Variants in PCDH15 observed in about 807,000 individuals in gnomAD.
PCDH15 encodes protocadherin related 15.
In PCDH15, 129 loss-of-function variants were observed where a neutral mutation model predicts 178.5. The observed-to-expected ratio is 0.72, with a 90% CI of 0.63 to 0.84. The LOEUF is 0.84. PCDH15 is among the 40% of genes least tolerant of loss of function. The pLI is 0.00. For synonymous variants in PCDH15, 800 were observed against 732.0 expected, an observed-to-expected ratio of 1.09 and a Z score of -1.50; for missense variants, 2,230 against 2,099.9, an observed-to-expected ratio of 1.06 and a Z score of -1.21.
At chr10:54,035,313 C>G (rs1442479279) in intron 18 of PCDH15, among the ~76,000 whole-genome samples, 1 of 151,846 alleles carries the variant, frequency 6.6e-6, no homozygotes, top group Non-Finnish European at 1.5e-5. Context: ...GACAAAGATG[C>G]CTTAAGCAAA....
intron 1 of PCDH15, among the ~76,000 whole-genome samples, chr10:54,760,296 G>A (rs1052890917): frequency 2.6e-5 from 4 of 151,852 alleles, no homozygotes; most frequent in Admixed American, 2.0e-4. Flanking sequence ...CTAGTTCTTT[G>A]AAGTTCTATT....
At chr10:53,981,890 A>G (rs1050684228) in intron 21 of PCDH15, among the ~76,000 whole-genome samples, 1 of 150,156 alleles carries the variant, frequency 6.7e-6, no homozygotes, top group Non-Finnish European at 1.5e-5. Context: ...GCAACCTACA[A>G]AATGGGAGAA....
chr10:54,357,599 T>C (rs896919899), intron 5 of PCDH15, among the ~76,000 whole-genome samples: 1 of 152,124 alleles, frequency 6.6e-6, no homozygotes, highest in African/African-American at 2.4e-5. Flanking sequence ...CAAGGTAATT[T>C]ATAGATTCAA....
At chr10:54,729,152 C>T (rs566878242) in intron 1 of PCDH15, among the ~76,000 whole-genome samples, 22 of 151,750 alleles carry the variant, frequency 1.4e-4, no homozygotes, top group African/African-American at 5.3e-4. Flanking sequence ...AAGCATCACA[C>T]TACCTGACTT....
rs760976180 is a variant in PCDH15, at chr10:53,823,563, T to G, written c.4368-3333A>C. ...AAAAATCTTAGAGTTGTGAGAAGAA[T>G]GAGAAATGTAAATGAAAAAAAAAGT... On this transcript the variant is annotated intron_variant, in intron 32 of 37. Coordinates refer to ENST00000644397, the MANE Select transcript of PCDH15 (RefSeq NM_001384140.1). 83 of 684,192 alleles carry G rather than the reference T, an allele frequency of 1.2e-4. 1 individual carries two copies. Among genetic ancestry groups the G allele is most frequent in the Admixed American group, 4.3e-4 (18 of 41,864 alleles). 42.4% of individuals were successfully genotyped at this position (684,192 alleles called of 1,614,324 possible).
At chr10:53,976,510 A>T (rs749405633) in intron 21 of PCDH15, among the ~76,000 whole-genome samples, 1 of 152,102 alleles carries the variant, frequency 6.6e-6, no homozygotes, top group African/African-American at 2.4e-5. Context: ...CTCTTGCATC[A>T]TTATCCTCTT....
chr10:54,126,962 T>G (rs1212294325), intron 15 of PCDH15, among the ~76,000 whole-genome samples: 2 of 152,196 alleles, frequency 1.3e-5, no homozygotes, highest in Non-Finnish European at 2.9e-5. Flanking sequence ...AGGAACTGTA[T>G]TTGGTCAATC....
At chr10:55,091,537 T>C (rs1842317820) in intron 2 of PCDH15, among the ~76,000 whole-genome samples, 1 of 151,880 alleles carries the variant, frequency 6.6e-6, no homozygotes, top group Admixed American at 6.6e-5. Context: ...AAGAGTTAAA[T>C]TACCAAGGGT....
intron 1 of PCDH15, among the ~76,000 whole-genome samples, chr10:54,696,594 C>A (rs1412826085): frequency 6.6e-6 from 1 of 151,548 alleles, no homozygotes. Flanking sequence ...GGAAATCTTT[C>A]ATGAAAGAAG....
Position 54,346,360 on chromosome 10 carries a change from C to T in PCDH15, c.594+5G>A, listed in dbSNP as rs770009225. On this transcript the variant is annotated splice_donor_5th_base_variant and intron_variant, in intron 6 of 37. Coordinates refer to ENST00000644397, the MANE Select transcript of PCDH15 (RefSeq NM_001384140.1). The stretch of plus-strand genomic sequence containing the variant: ...AAATTACATTGCAAATAGGTATTTA[C>T]ATACCGGATCATCTGGATTATACTG... 1.2e-6 allele frequency: 2 copies of T among 1,611,442 alleles called. No homozygotes were observed. The highest frequency in any genetic ancestry group is 2.2e-5 in the South Asian group (2 of 91,022).
At chr10:55,049,812 A>C (rs145830472) in intron 2 of PCDH15, among the ~76,000 whole-genome samples, 258 of 152,206 alleles carry the variant, frequency 1.7e-3, no homozygotes, top group Middle Eastern at 6.8e-3. Context: ...TTAAATAATA[A>C]TATGAGTTGT....
At chr10:54,657,528 A>C (rs2094428271) in intron 2 of PCDH15, among the ~76,000 whole-genome samples, 1 of 152,206 alleles carries the variant, frequency 6.6e-6, no homozygotes, top group Admixed American at 6.5e-5. Flanking sequence ...GCCTCGCAGG[A>C]GATAGTGTCA....
intron 2 of PCDH15, among the ~76,000 whole-genome samples, chr10:55,132,240 A>T (rs899748133): frequency 2.0e-5 from 3 of 152,206 alleles, no homozygotes; most frequent in African/African-American, 7.2e-5. Context: ...TTTGTTTGCA[A>T]AACACTCACA....
At chr10:54,671,165 A>G (rs1358210700) in intron 1 of PCDH15, among the ~76,000 whole-genome samples, 1 of 152,160 alleles carries the variant, frequency 6.6e-6, no homozygotes, top group Non-Finnish European at 1.5e-5. Context: ...GTAAATTTAA[A>G]ATGGAGTTTT....
intron 1 of PCDH15, among the ~76,000 whole-genome samples, chr10:54,702,631 A>C (rs977760303): frequency 6.6e-6 from 1 of 151,776 alleles, no homozygotes; most frequent in Non-Finnish European, 1.5e-5. Flanking sequence ...AATTCCTGGA[A>C]ATACAACCTT....
At chr10:55,216,643 C>T (rs1040248817) in intron 1 of PCDH15, among the ~76,000 whole-genome samples, 1 of 151,714 alleles carries the variant, frequency 6.6e-6, no homozygotes, top group African/African-American at 2.4e-5. Flanking sequence ...GATGGATATG[C>T]TAATTACCTT....
In PCDH15 at chr10:54,599,714, G is replaced by A. The variant is rs145150601; in HGVS notation, c.91+64458C>T. The stretch of plus-strand genomic sequence containing the variant: ...AAAGCAACTGCACCTGAAGTTAATG[G>A]AAAGAAAGAAGGGGAAAAGGAAGAA... On this transcript the variant is annotated intron_variant, in intron 2 of 37. Coordinates refer to ENST00000644397, the MANE Select transcript of PCDH15 (RefSeq NM_001384140.1). The A allele has an allele frequency of 2.2e-3, 998 of 458,074 alleles. 7 individuals carry two copies. The highest frequency in any genetic ancestry group is 0.018 in the African/African-American group (886 of 48,820). 28.4% of individuals were successfully genotyped at this position (458,074 alleles called of 1,614,324 possible).
At position 54,254,062 on chromosome 10, in the gene PCDH15, T is replaced by G. The variant is rs377040638; in HGVS notation, c.877-17131A>C. ...AATGAGGAATATAAGTAAACCATTT[T>G]TAGGCATTGAAAAGGATAAATTTAT... On this transcript the variant is annotated intron_variant, in intron 8 of 37. Coordinates refer to ENST00000644397, the MANE Select transcript of PCDH15 (RefSeq NM_001384140.1). Among the ~76,000 whole-genome samples, 354 of 152,222 alleles carry G rather than the reference T, an allele frequency of 2.3e-3. 1 individual carries two copies. The highest frequency in any genetic ancestry group is 8.0e-3 in the African/African-American group (333 of 41,560).
chr10:55,388,430 A>G (rs971744319), intron 2 of PCDH15, among the ~76,000 whole-genome samples: 9 of 151,958 alleles, frequency 5.9e-5, no homozygotes, highest in Non-Finnish European at 1.2e-4. Flanking sequence ...TCCTATCCCC[A>G]AGGCAACTGA....
Sources: gnomAD v4.1 joint callset for allele counts (sites outside exome capture counted in the v4.1 genomes callset) on GRCh38, gnomAD v4.1.1 for gene constraint, MANE v1.5 for transcripts, NCBI Gene and HGNC (gene_info 2026-07-23, HGNC 2026-07-21) for gene names.